The following CLDN10 variants were observed in gnomAD, a reference collection of about 807,000 sequenced individuals.
CLDN10 encodes claudin 10.
CLDN10 carries 15 observed loss-of-function variants against 22.9 expected under a neutral mutation model. The ratio of observed to expected loss-of-function variants is 0.65; its 90% confidence interval spans 0.44 to 1.01. The LOEUF is 1.01. Ranked by LOEUF, CLDN10 falls within the 50% of genes least tolerant of loss-of-function variation. The probability of loss-of-function intolerance (pLI) is 0.00; values close to 1 mark genes in which losing one functional copy is unlikely to be tolerated. For missense variants in CLDN10, 247 were observed against 287.8 expected (o/e 0.86, Z 1.03); for synonymous variants, 114 against 111.4 (o/e 1.02, Z -0.15).
chr13:95,494,399 G>C (rs998410563), intron 1 of CLDN10, among the ~76,000 whole-genome samples: 2 of 152,146 alleles, frequency 1.3e-5, no homozygotes, highest in African/African-American at 4.8e-5. Flanking sequence ...AAAATAGCCT[G>C]TTTGCTCTAT....
At chr13:95,441,617 A>G (rs2042325320) in intron 1 of CLDN10, among the ~76,000 whole-genome samples, 1 of 152,222 alleles carries the variant, frequency 6.6e-6, no homozygotes, top group African/African-American at 2.4e-5. Flanking sequence ...GTGATCCACC[A>G]GCCAGCAGCA....
chr13:95,562,265 G>A (rs1271074232), intron 3 of CLDN10, among the ~76,000 whole-genome samples: 1 of 151,442 alleles, frequency 6.6e-6, no homozygotes, highest in Non-Finnish European at 1.5e-5. Flanking sequence ...ACGGAGACAG[G>A]TCTTGCTATG....
intron 1 of CLDN10, among the ~76,000 whole-genome samples, chr13:95,456,907 C>T (rs1190799701): frequency 6.6e-6 from 1 of 152,090 alleles, no homozygotes; most frequent in East Asian, 1.9e-4. Flanking sequence ...AATTTGCAGG[C>T]AGGATTGAAG....
upstream of CLDN10, chr13:95,552,688 G>T: frequency 6.6e-7 from 1 of 1,509,214 alleles, no homozygotes; most frequent in African/African-American, 1.4e-5. Flanking sequence ...GAGCCCCGGG[G>T]TTGGGAGTGC....
At chr13:95,471,168 A>G (rs2098395942) in intron 1 of CLDN10, among the ~76,000 whole-genome samples, 1 of 152,110 alleles carries the variant, frequency 6.6e-6, no homozygotes, top group African/African-American at 2.4e-5. Flanking sequence ...GGCAGGGGAA[A>G]GACAGATCCA....
intron 1 of CLDN10, among the ~76,000 whole-genome samples, chr13:95,540,762 T>C (rs1241763849): frequency 6.6e-6 from 1 of 152,214 alleles, no homozygotes; most frequent in Admixed American, 6.5e-5. Context: ...GTAATTGATA[T>C]AGGGAGTGAA....
intron 1 of CLDN10, among the ~76,000 whole-genome samples, chr13:95,500,229 A>T (rs185947922): frequency 6.6e-6 from 1 of 152,350 alleles, no homozygotes; most frequent in East Asian, 1.9e-4. Flanking sequence ...ACACACTCTA[A>T]ACAGATAAAT....
chr13:95,497,317 C>T (rs116879212), intron 1 of CLDN10, among the ~76,000 whole-genome samples: 10 of 152,092 alleles, frequency 6.6e-5, no homozygotes, highest in Non-Finnish European at 1.2e-4. Context: ...CTATTTTAGG[C>T]TCTTAGAGGA....
At chr13:95,576,818 GAACT>G (rs1303624092) in intron 3 of CLDN10, among the ~76,000 whole-genome samples, 1 of 152,196 alleles carries the variant, frequency 6.6e-6, no homozygotes, top group Non-Finnish European at 1.5e-5. Flanking sequence ...TTACTAAATT[GAACT>G]AACATGAAAG....
At chr13:95,461,163 G>A (rs1301492814) in intron 1 of CLDN10, among the ~76,000 whole-genome samples, 1 of 151,702 alleles carries the variant, frequency 6.6e-6, no homozygotes, top group Non-Finnish European at 1.5e-5. Context: ...TGTTGCCCAG[G>A]CCGGTCTCAA....
At chr13:95,550,820 C>CTTTTTTT (rs56225257), upstream of CLDN10, among the ~76,000 whole-genome samples, 7 of 85,530 alleles carry the variant, frequency 8.2e-5, no homozygotes, top group African/African-American at 1.4e-4. Flanking sequence ...TAGGAAGATA[C>CTTTTTTT]TTTTTTTTTT....
chr13:95,471,925 G>A (rs866312620), intron 1 of CLDN10, among the ~76,000 whole-genome samples: 1 of 144,484 alleles, frequency 6.9e-6, no homozygotes, highest in South Asian at 2.2e-4. Flanking sequence ...CAAGGCGCAT[G>A]CCACCACACT....
chr13:95,486,538 A>G (rs1416342291), intron 1 of CLDN10, among the ~76,000 whole-genome samples: 1 of 151,868 alleles, frequency 6.6e-6, no homozygotes, highest in African/African-American at 2.4e-5. Context: ...AAAAAAAAAA[A>G]AAAAAGATGC....
chr13:95,489,911 A>T (rs1448156541), intron 1 of CLDN10, among the ~76,000 whole-genome samples: 1 of 152,164 alleles, frequency 6.6e-6, no homozygotes, highest in South Asian at 2.1e-4. Context: ...AGAGATGAGG[A>T]TCCAGTTTCA....
intron 1 of CLDN10, among the ~76,000 whole-genome samples, chr13:95,434,363 G>C (rs1417218130): frequency 1.3e-5 from 2 of 151,798 alleles, no homozygotes; most frequent in Non-Finnish European, 2.9e-5. Context: ...GAGGAATCTT[G>C]ATGGGTCAGC....
At chr13:95,476,106 G>T (rs370455401) in intron 1 of CLDN10, among the ~76,000 whole-genome samples, 1 of 152,186 alleles carries the variant, frequency 6.6e-6, no homozygotes, top group Non-Finnish European at 1.5e-5. Context: ...AGGCGCAAAG[G>T]CATGATAAAC....
Position 95,474,470 on chromosome 13 carries a change from T to C in CLDN10, c.214+40423T>C, listed in dbSNP as rs1045959502. Among the ~76,000 whole-genome samples the C allele has an allele frequency of 2.6e-5, 4 of 151,716 alleles. No individual in the cohort carries two copies. In the South Asian group the frequency reaches 6.2e-4, roughly 24 times the overall value. Reference sequence around the variant, plus strand: ...CTGGTACCAGCCCATGGCCCAGGGGTTGGGGACCCCTGCAATAAAACAAAG... The same window carrying C: ...CTGGTACCAGCCCATGGCCCAGGGGCTGGGGACCCCTGCAATAAAACAAAG... On this transcript the variant is annotated intron_variant, in intron 1 of 4. Transcript: ENST00000376873.
intron 1 of CLDN10, among the ~76,000 whole-genome samples, chr13:95,508,307 C>T (rs561339589): frequency 6.6e-6 from 1 of 152,166 alleles, no homozygotes; most frequent in Non-Finnish European, 1.5e-5. Flanking sequence ...CTCTTCTCTG[C>T]ATTAGTGTTG....
intron 1 of CLDN10, among the ~76,000 whole-genome samples, chr13:95,485,053 A>G (rs1477427296): frequency 6.6e-6 from 1 of 152,092 alleles, no homozygotes; most frequent in Non-Finnish European, 1.5e-5. Context: ...GATGGGCAGC[A>G]GGTAATTAGT....
Sources: allele counts gnomAD v4.1 joint callset (sites outside exome capture counted in the v4.1 genomes callset), GRCh38; gene constraint gnomAD v4.1.1; transcripts MANE v1.5; gene names NCBI Gene and HGNC (gene_info 2026-07-23, HGNC 2026-07-21).